The following NKAIN2 variants were observed in gnomAD, a reference collection of about 807,000 sequenced individuals.
The protein encoded by NKAIN2 is sodium/potassium transporting ATPase interacting 2, also known as sodium/potassium-transporting ATPase subunit beta-1-interacting protein 2.
A neutral mutation model predicts 32.6 loss-of-function variants in NKAIN2; 14 were observed. The ratio of observed to expected loss-of-function variants is 0.43; its 90% CI spans 0.28 to 0.67. NKAIN2 has a LOEUF of 0.67. Ranked by LOEUF, NKAIN2 falls within the 30% of genes least tolerant of loss-of-function variation. The pLI, the probability that NKAIN2 is intolerant of heterozygous loss-of-function variation, is 0.17. For missense variants in NKAIN2, 198 were observed against 258.3 expected (o/e 0.77, Z 1.60); for synonymous variants, 80 against 87.2 (o/e 0.92, Z 0.46).
At chr6:124,779,257 G>C (rs1317467693) in intron 4 of NKAIN2, among the ~76,000 whole-genome samples, 1 of 122,790 alleles carries the variant, frequency 8.1e-6, no homozygotes, top group Non-Finnish European at 1.7e-5. Context: ...AAGAGAGAGA[G>C]AGAGAGAGAG....
intron 3 of NKAIN2, among the ~76,000 whole-genome samples, chr6:124,578,748 G>T (rs1310180531): frequency 6.6e-6 from 1 of 152,094 alleles, no homozygotes; most frequent in Non-Finnish European, 1.5e-5. Flanking sequence ...GGCAGGCCTT[G>T]GGTGAGACTC....
chr6:124,189,219 A>C (rs973928066), intron 1 of NKAIN2, among the ~76,000 whole-genome samples: 4 of 152,178 alleles, frequency 2.6e-5, no homozygotes, highest in Admixed American at 6.5e-5. Context: ...CCACTAATAC[A>C]TGAGACATGA....
chr6:124,051,249 T>C (rs1185230146), intron 1 of NKAIN2, among the ~76,000 whole-genome samples: 1 of 151,964 alleles, frequency 6.6e-6, no homozygotes, highest in Non-Finnish European at 1.5e-5. Context: ...TTAGATAATG[T>C]CTCCCAGGTG....
chr6:123,843,052 C>A (rs1774940588), intron 1 of NKAIN2, among the ~76,000 whole-genome samples: 1 of 152,122 alleles, frequency 6.6e-6, no homozygotes, highest in Non-Finnish European at 1.5e-5. Flanking sequence ...CCTGTACCGG[C>A]CTGCGACAAT....
chr6:124,081,730 A>G (rs1454887545), intron 1 of NKAIN2, among the ~76,000 whole-genome samples: 2 of 152,058 alleles, frequency 1.3e-5, no homozygotes, highest in African/African-American at 4.8e-5. Context: ...TGACTTTTCA[A>G]GGCCAATTTG....
chr6:124,371,785 A>T (rs936210394), intron 3 of NKAIN2, among the ~76,000 whole-genome samples: 2 of 151,950 alleles, frequency 1.3e-5, no homozygotes, highest in African/African-American at 4.8e-5. Context: ...TATAAAGGTA[A>T]AAAAAACACA....
At chr6:124,630,953 A>G (rs866099612) in intron 3 of NKAIN2, among the ~76,000 whole-genome samples, 3 of 152,286 alleles carry the variant, frequency 2.0e-5, no homozygotes, top group Middle Eastern at 6.8e-3. Context: ...ATAGTACAAA[A>G]TTACTCAAAA....
At position 124,779,247 on chromosome 6, in the gene NKAIN2, A is replaced by AAGAGAGAGAGAG. The variant is rs71024703; in HGVS notation, c.475-12067_475-12056dup. 1.3e-4 allele frequency among the ~76,000 whole-genome samples: 10 copies of AAGAGAGAGAGAG among 75,370 alleles called. 1 individual carries two copies. The highest frequency in any genetic ancestry group is 2.0e-4 in the Non-Finnish European group (8 of 40,632). 49.4% of individuals were successfully genotyped at this position (75,370 alleles called of 152,430 possible). ...CGACAGAGCCAGACTCCAACAAAGA[A>AAGAGAGAGAGAG]AGAGAGAGAGAGAGAGAGAGAGAGA... On this transcript the variant is annotated intron_variant, in intron 4 of 6. Coordinates refer to ENST00000368417, the MANE Select transcript of NKAIN2 (RefSeq NM_001040214.3).
chr6:124,332,228 T>TACACAC (rs779027822), intron 2 of NKAIN2, among the ~76,000 whole-genome samples: 4 of 150,734 alleles, frequency 2.7e-5, no homozygotes, highest in African/African-American at 7.3e-5. Flanking sequence ...TGTGTGTATA[T>TACACAC]ACACACACAC....
At chr6:124,281,401 C>T (rs1021209708) in intron 1 of NKAIN2, among the ~76,000 whole-genome samples, 4 of 152,074 alleles carry the variant, frequency 2.6e-5, no homozygotes, top group African/African-American at 4.8e-5. Context: ...TTCTACAAAA[C>T]GTTAACTATA....
chr6:124,633,327 A>T (rs1234619906), intron 3 of NKAIN2, among the ~76,000 whole-genome samples: 1 of 152,188 alleles, frequency 6.6e-6, no homozygotes, highest in Non-Finnish European at 1.5e-5. Context: ...CATAAATTTT[A>T]TTTCTTTTGT....
At chr6:124,213,977 T>C (rs973480926) in intron 1 of NKAIN2, among the ~76,000 whole-genome samples, 3 of 152,210 alleles carry the variant, frequency 2.0e-5, no homozygotes, top group Non-Finnish European at 4.4e-5. Flanking sequence ...AGCCAAAGAA[T>C]ATTTCTTAAA....
intron 1 of NKAIN2, among the ~76,000 whole-genome samples, chr6:123,976,264 TGTTTCC>T (rs1441979527): frequency 0.051 from 5,234 of 103,638 alleles, 893 homozygotes; most frequent in East Asian, 0.24. Context: ...TATATATATA[TGTTTCC>T]ATATATATGT....
At chr6:124,477,159 A>T (rs1311512304) in intron 3 of NKAIN2, among the ~76,000 whole-genome samples, 1 of 152,192 alleles carries the variant, frequency 6.6e-6, no homozygotes, top group South Asian at 2.1e-4. Context: ...ATTTGATATA[A>T]TCCTTAACCA....
chr6:124,613,504 G>A (rs372013749), intron 3 of NKAIN2, among the ~76,000 whole-genome samples: 2 of 152,318 alleles, frequency 1.3e-5, no homozygotes, highest in African/African-American at 4.8e-5. Context: ...GATTGTGCCA[G>A]TGTGACTATT....
At chr6:124,131,911 C>A (rs1786499303) in intron 1 of NKAIN2, among the ~76,000 whole-genome samples, 2 of 152,152 alleles carry the variant, frequency 1.3e-5, no homozygotes, top group African/African-American at 4.8e-5. Flanking sequence ...GGAACTGCTG[C>A]AAACCTGAGC....
At chr6:124,001,081 C>G (rs1043933904) in intron 1 of NKAIN2, among the ~76,000 whole-genome samples, 26 of 152,022 alleles carry the variant, frequency 1.7e-4, no homozygotes, top group Non-Finnish European at 2.6e-4. Context: ...ATGTGAAAAA[C>G]CATCTTTTCA....
At chr6:123,891,340 AC>A (rs1384750689) in intron 1 of NKAIN2, among the ~76,000 whole-genome samples, 5 of 152,218 alleles carry the variant, frequency 3.3e-5, no homozygotes, top group African/African-American at 1.2e-4. Context: ...GGTATATCTT[AC>A]GTCTATTTTA....
At chr6:124,807,710 T>G (rs868392461) in intron 5 of NKAIN2, among the ~76,000 whole-genome samples, 2 of 151,364 alleles carry the variant, frequency 1.3e-5, no homozygotes, top group African/African-American at 4.9e-5. Context: ...AGCTGGTTTT[T>G]TGAAAGGATC....
Sources: allele counts gnomAD v4.1 joint callset (sites outside exome capture counted in the v4.1 genomes callset), GRCh38; gene constraint gnomAD v4.1.1; transcripts MANE v1.5; gene names NCBI Gene and HGNC (gene_info 2026-07-23, HGNC 2026-07-21).